The following AOX1 variants were observed in gnomAD, a reference collection of about 807,000 sequenced individuals.
AOX1 encodes the protein aldehyde oxidase 1.
AOX1 carries 153 observed loss-of-function variants against 169.5 expected under a neutral mutation model. The ratio of observed to expected loss-of-function variants is 0.90; its 90% CI spans 0.79 to 1.03. AOX1 has a LOEUF of 1.03. Among genes scored for constraint, AOX1 ranks in the 50% least tolerant of loss-of-function variants. AOX1 has a pLI of 0.00. For synonymous variants in AOX1, 562 were observed against 581.9 expected (o/e 0.97, Z 0.49); for missense variants, 1,656 against 1,663.9 (o/e 1.00, Z 0.08).
chr2:200,596,296 CCT>C (rs2034281864), intron 3 of AOX1, among the ~76,000 whole-genome samples: 1 of 152,164 alleles, frequency 6.6e-6, no homozygotes, highest in Non-Finnish European at 1.5e-5. Context: ...TCTTTGCTTA[CCT>C]CTCTCACCTT....
At chr2:200,603,456 GA>G in intron 7 of AOX1, 100 bp downstream of exon 7, 1 of 874,000 alleles carries the variant, frequency 1.1e-6, no homozygotes, top group Non-Finnish European at 1.8e-6. Context: ...TGACTAACTT[GA>G]GGTATGTCAA....
At chr2:200,609,584 C>T (rs180948524) in intron 12 of AOX1, among the ~76,000 whole-genome samples, 170 bp downstream of exon 12, 130 of 152,290 alleles carry the variant, frequency 8.5e-4, no homozygotes, top group African/African-American at 2.3e-3. Context: ...ATAGCACAGG[C>T]TTTCTTCCCC....
At chr2:200,670,036 A>AG (rs1315531567) in intron 34 of AOX1, among the ~76,000 whole-genome samples, 1 of 151,960 alleles carries the variant, frequency 6.6e-6, no homozygotes, top group Non-Finnish European at 1.5e-5. Flanking sequence ...TTCCTAGGAC[A>AG]CCTTGGTCAG....
chr2:200,593,947 A>G (rs557603617), intron 2 of AOX1, among the ~76,000 whole-genome samples: 1 of 152,322 alleles, frequency 6.6e-6, no homozygotes, highest in African/African-American at 2.4e-5. Flanking sequence ...TTGGTTCACT[A>G]TGAGTGACAG....
rs766000594 is a variant in AOX1, at chr2:200,669,755, G to A, written c.3966+13G>A. ...GTTCACAAAAATGGTACGTTTGCAT[G>A]GTAGAAAAAAAATAGTGATCATAAA... On this transcript the variant is annotated intron_variant, in intron 34 of 34. Transcript: ENST00000374700. 1 of 1,601,486 alleles carries A rather than the reference G, an allele frequency of 6.2e-7. No homozygotes were observed. The highest frequency in any genetic ancestry group is 8.5e-7 in the Non-Finnish European group (1 of 1,175,504).
chr2:200,628,298 A>T (rs1232614325), intron 20 of AOX1, among the ~76,000 whole-genome samples: 6 of 152,240 alleles, frequency 3.9e-5, no homozygotes, highest in Admixed American at 3.3e-4. Context: ...GATGTTGTCT[A>T]ACATAAACAT....
chr2:200,664,997 T>C (rs2035899586), intron 31 of AOX1, among the ~76,000 whole-genome samples: 1 of 152,196 alleles, frequency 6.6e-6, no homozygotes, highest in Non-Finnish European at 1.5e-5. Flanking sequence ...GAGAATCCTG[T>C]TCCATCTCCC....
chr2:200,609,455 T>C, intron 12 of AOX1, 41 bp downstream of exon 12: 1 of 1,550,330 alleles, frequency 6.5e-7, no homozygotes, highest in African/African-American at 1.4e-5. Flanking sequence ...AAGCTGTTTC[T>C]CTACCCCTTT....
intron 7 of AOX1, among the ~76,000 whole-genome samples, chr2:200,603,612 C>T (rs2034457096): frequency 6.6e-6 from 1 of 152,132 alleles, no homozygotes; most frequent in South Asian, 2.1e-4. Flanking sequence ...TGTCTCTTAG[C>T]TTTTAAAAGC....
At chr2:200,654,998 G>A (rs2035653889) in intron 26 of AOX1, among the ~76,000 whole-genome samples, 1 of 152,116 alleles carries the variant, frequency 6.6e-6, no homozygotes, top group Admixed American at 6.5e-5. Flanking sequence ...TAACCAGCAG[G>A]GTCACACAAT....
intron 25 of AOX1, among the ~76,000 whole-genome samples, chr2:200,648,949 CA>C (rs1406969406): frequency 1.3e-5 from 2 of 152,238 alleles, no homozygotes; most frequent in African/African-American, 4.8e-5. Flanking sequence ...TACCCCCCAA[CA>C]GCCCTGAGTT....
At chr2:200,660,970 G>A (rs2035808347) in intron 29 of AOX1, among the ~76,000 whole-genome samples, 1 of 152,150 alleles carries the variant, frequency 6.6e-6, no homozygotes, top group Non-Finnish European at 1.5e-5. Context: ...ACCATGAGAT[G>A]CAGCCATTCA....
intron 10 of AOX1, 65 bp downstream of exon 10, chr2:200,605,693 C>A: frequency 2.9e-6 from 2 of 686,020 alleles, no homozygotes; most frequent in Admixed American, 2.9e-5. Context: ...CCTTGCCCAG[C>A]AGACAAGCAG....
In AOX1 at chr2:200,609,336, A is replaced by G. The variant is rs745515317; in HGVS notation, c.1075A>G (p.Ile359Val). ...IRNMASLGGHIISRHPDSDLN... is the reference protein window; with the variant it reads ...IRNMASLGGHVISRHPDSDLN... ...TTTTTAAAAGTCTTTAGGGGGACACATCATTAGCAGGCATCCAGATTCAGA... is the reference window on the plus strand; with the variant it reads ...TTTTTAAAAGTCTTTAGGGGGACACGTCATTAGCAGGCATCCAGATTCAGA... The change falls in exon 12 of 35, where the codon ATC (isoleucine) becomes GTC (valine). Residue 359 changes from isoleucine (I) to valine (V), a missense_variant. Ile to Val is a conservative substitution (Grantham distance 29, BLOSUM62 3). Transcript: ENST00000374700. 1.1e-5 allele frequency: 18 copies of G among 1,613,888 alleles called. No individual in the cohort carries two copies. The highest frequency in any genetic ancestry group is 1.4e-5 in the Non-Finnish European group (17 of 1,179,926).
chr2:200,635,678 C>T (rs190473796), intron 21 of AOX1, among the ~76,000 whole-genome samples: 54 of 152,214 alleles, frequency 3.5e-4, no homozygotes, highest in Non-Finnish European at 5.3e-4. Flanking sequence ...TGTCCTGTAC[C>T]CTACGCAGCA....
chr2:200,664,022 G>A (rs3769831), intron 31 of AOX1, among the ~76,000 whole-genome samples: 12,599 of 151,880 alleles, frequency 0.083, 826 homozygotes, highest in East Asian at 0.26. Context: ...GGGTAACCTC[G>A]CACTAGGGCA....
chr2:200,612,728 C>T lies in AOX1; in HGVS notation c.1383C>T (p.Ile461=), dbSNP rs561666238. The T allele has an allele frequency of 1.9e-6, 3 of 1,614,048 alleles. No individual in the cohort carries two copies. In the African/African-American group the frequency reaches 4.0e-5, roughly 22 times the overall value. The change falls in exon 14 of 35, where the codon ATC becomes ATT. Residue 461 remains isoleucine (I), a synonymous_variant. Transcript: ENST00000374700. ...ATGGCATTATTAGAGAGTTATGCAT[C>T]TCATATGGAGGCGTTGGTCCAGCCA... ...EGDGIIRELC[I]SYGGVGPATI...
rs1157188895 is a variant in AOX1 at position 200,605,617 on chromosome 2, A to G, written c.896A>G (p.His299Arg). Residue 299 changes from histidine (H) to arginine (R), a missense_variant, in exon 10 of 35, where the codon CAT (histidine) becomes CGT (arginine). His to Arg is a conservative substitution (Grantham distance 29). Coordinates refer to ENST00000374700, the MANE Select transcript of AOX1 (RefSeq NM_001159.4). ...ATTGAAGAACTGAGTGTTGTAAACC[A>G]TGCATATAATGGTGAGTTCTCAAGT... ...DRIEELSVVN[H>R]AYNGLTLGAG... The G allele has an allele frequency of 6.5e-7, 1 of 1,528,898 alleles. No homozygotes were observed. Among genetic ancestry groups the G allele is most frequent in the East Asian group, 2.4e-5 (1 of 42,086 alleles). The allele number at this position is 1,528,898 out of a possible 1,614,324, so 94.7% of individuals were successfully genotyped here.
intron 34 of AOX1, among the ~76,000 whole-genome samples, chr2:200,670,290 TTGAC>T (rs1335301073): frequency 1.3e-5 from 2 of 152,194 alleles, no homozygotes; most frequent in African/African-American, 2.4e-5. Flanking sequence ...CACCCTGACT[TTGAC>T]TGAAGGGAAA....
Sources: allele counts gnomAD v4.1 joint callset (sites outside exome capture counted in the v4.1 genomes callset), GRCh38; gene constraint gnomAD v4.1.1; transcripts MANE v1.5; gene names NCBI Gene and HGNC (gene_info 2026-07-23, HGNC 2026-07-21).